The following CEP112 variants were observed in gnomAD, a reference collection of about 807,000 sequenced individuals.
The protein encoded by CEP112 is centrosomal protein of 112 kDa.
CEP112 carries 127 observed loss-of-function variants against 153.0 expected under a neutral mutation model. That is an observed-to-expected ratio of 0.83 (90% CI 0.72 to 0.96). CEP112 has a LOEUF of 0.96. CEP112 is among the 40% of genes least tolerant of loss of function. CEP112 has a pLI of 0.00. For missense variants in CEP112, 1,089 were observed against 1,101.2 expected, an observed-to-expected ratio of 0.99 and a Z score of 0.16; for synonymous variants, 358 against 374.4, an observed-to-expected ratio of 0.96 and a Z score of 0.51.
At chr17:65,966,507 A>G (rs2062421372) in intron 17 of CEP112, among the ~76,000 whole-genome samples, 1 of 152,204 alleles carries the variant, frequency 6.6e-6, no homozygotes, top group African/African-American at 2.4e-5. Context: ...TCTCCCCTGG[A>G]AACTCCAAGA....
At chr17:65,728,241 T>G (rs559137470) in intron 23 of CEP112, among the ~76,000 whole-genome samples, 1 of 152,212 alleles carries the variant, frequency 6.6e-6, no homozygotes, top group Non-Finnish European at 1.5e-5. Flanking sequence ...AAATGCTGCA[T>G]AGAGCTAGAG....
chr17:65,812,094 C>T (rs1031694604), intron 21 of CEP112, among the ~76,000 whole-genome samples: 15 of 152,006 alleles, frequency 9.9e-5, no homozygotes, highest in Admixed American at 2.6e-4. Flanking sequence ...AGCTCCACCT[C>T]CCGGGTTCAT....
intron 6 of CEP112, among the ~76,000 whole-genome samples, chr17:66,099,821 A>T (rs1297839527): frequency 1.3e-5 from 2 of 152,158 alleles, no homozygotes; most frequent in Non-Finnish European, 2.9e-5. Flanking sequence ...ACAGGAAAAC[A>T]GTAATACAGG....
chr17:65,748,867 C>T (rs1314276822), intron 22 of CEP112, among the ~76,000 whole-genome samples: 1 of 152,164 alleles, frequency 6.6e-6, no homozygotes. Context: ...GATAAATACT[C>T]CTGTTTACAC....
chr17:65,727,295 A>G (rs555519648), intron 23 of CEP112, among the ~76,000 whole-genome samples: 1 of 152,274 alleles, frequency 6.6e-6, no homozygotes, highest in Admixed American at 6.5e-5. Flanking sequence ...TGTTCTATGA[A>G]TTCTGCTTTC....
intron 16 of CEP112, among the ~76,000 whole-genome samples, chr17:66,025,314 G>A (rs2065155138): frequency 6.6e-6 from 1 of 151,884 alleles, no homozygotes; most frequent in Non-Finnish European, 1.5e-5. Context: ...TAGAAAGCAA[G>A]GTAAATAATC....
At chr17:65,958,490 G>T (rs1359493019) in intron 18 of CEP112, among the ~76,000 whole-genome samples, 1 of 129,660 alleles carries the variant, frequency 7.7e-6, no homozygotes, top group Non-Finnish European at 1.7e-5. Flanking sequence ...GCTCAGAAGT[G>T]CTTGCTCCTG....
At chr17:65,839,094 C>G (rs1340067213) in intron 21 of CEP112, among the ~76,000 whole-genome samples, 1 of 152,086 alleles carries the variant, frequency 6.6e-6, no homozygotes, top group Admixed American at 6.6e-5. Flanking sequence ...AATATCAATT[C>G]TACTCAAAGT....
intron 23 of CEP112, among the ~76,000 whole-genome samples, chr17:65,709,348 A>G (rs549117891): frequency 3.3e-5 from 5 of 152,330 alleles, no homozygotes; most frequent in African/African-American, 7.2e-5. Context: ...TTTATAAAGG[A>G]AAGAGGTTTA....
intron 8 of CEP112, among the ~76,000 whole-genome samples, chr17:66,081,614 C>CAAA (rs11421559): frequency 7.2e-6 from 1 of 138,980 alleles, no homozygotes. Flanking sequence ...GACTCACAGA[C>CAAA]AAAAAAAAAA....
intron 18 of CEP112, among the ~76,000 whole-genome samples, chr17:65,937,232 C>G (rs1342627329): frequency 2.4e-5 from 3 of 123,394 alleles, no homozygotes; most frequent in Non-Finnish European, 5.1e-5. Flanking sequence ...TCTGCCCGGC[C>G]GCCACCCCGT....
At chr17:65,911,074 T>C (rs558094328) in intron 19 of CEP112, among the ~76,000 whole-genome samples, 103 of 152,200 alleles carry the variant, frequency 6.8e-4, no homozygotes, top group Non-Finnish European at 1.2e-3. Flanking sequence ...CCTTCACAAA[T>C]AAGAGAACAC....
At chr17:65,916,248 A>AGT (rs1491392851) in intron 19 of CEP112, among the ~76,000 whole-genome samples, 19 of 106,348 alleles carry the variant, frequency 1.8e-4, no homozygotes, top group African/African-American at 6.6e-4. Flanking sequence ...GTTTTGAAAA[A>AGT]GAGTGTGTGT....
chr17:65,752,277 T>C lies in CEP112; in HGVS notation c.2395-1553A>G, dbSNP rs2051922636. The stretch of plus-strand genomic sequence containing the variant: ...TCAAAGTGAGGTCTCCAAAGCTGGA[T>C]AGAAGAATCTTGCATATATGTATGG... On this transcript the variant is annotated intron_variant, in intron 21 of 26. Transcript: ENST00000535342. Among the ~76,000 whole-genome samples, 5 of 152,170 alleles carry C rather than the reference T, an allele frequency of 3.3e-5. 1 individual carries two copies. The South Asian group carries it at 1.0e-3, about 32-fold the overall frequency.
At chr17:66,162,793 C>T (rs2071769425) in intron 4 of CEP112, among the ~76,000 whole-genome samples, 1 of 152,050 alleles carries the variant, frequency 6.6e-6, no homozygotes. Flanking sequence ...GGGGAGGTAG[C>T]TATATTCTCT....
At chr17:65,723,962 T>C (rs754398050) in intron 23 of CEP112, among the ~76,000 whole-genome samples, 4 of 152,238 alleles carry the variant, frequency 2.6e-5, no homozygotes, top group Non-Finnish European at 5.9e-5. Context: ...AGCAGCCATA[T>C]GAATATTTAT....
chr17:65,905,662 G>C (rs975534227), intron 19 of CEP112, among the ~76,000 whole-genome samples: 7 of 152,314 alleles, frequency 4.6e-5, no homozygotes, highest in African/African-American at 1.4e-4. Flanking sequence ...GGGTACGGTG[G>C]CTCATGCCTG....
intron 11 of CEP112, among the ~76,000 whole-genome samples, chr17:66,061,679 T>C (rs373867083): frequency 6.6e-6 from 1 of 151,902 alleles, no homozygotes; most frequent in Non-Finnish European, 1.5e-5. Flanking sequence ...TTGTGTTCAG[T>C]GGAATAAACT....
At chr17:65,685,737 A>G (rs2047751777) in intron 24 of CEP112, among the ~76,000 whole-genome samples, 2 of 148,906 alleles carry the variant, frequency 1.3e-5, no homozygotes, top group African/African-American at 2.5e-5. Context: ...CAATGGCACA[A>G]TCTCGGCTCA....
Sources: gnomAD v4.1 joint callset for allele counts (sites outside exome capture counted in the v4.1 genomes callset) on GRCh38, gnomAD v4.1.1 for gene constraint, MANE v1.5 for transcripts, NCBI Gene and HGNC (gene_info 2026-07-23, HGNC 2026-07-21) for gene names.